FTCDNL1: variants seen among roughly 807,000 people sequenced by gnomAD.
The protein encoded by FTCDNL1 is formiminotransferase N-terminal subdomain-containing protein.
In FTCDNL1, 11 loss-of-function variants were observed where a neutral mutation model predicts 5.9. The ratio of observed to expected loss-of-function variants is 1.87; its 90% CI spans 1.18 to 3.10. The LOEUF is 3.10. Ranked by LOEUF, FTCDNL1 falls within the 30% of genes most tolerant of loss-of-function variation. FTCDNL1 has a pLI of 0.00. For missense variants in FTCDNL1, 115 were observed against 65.5 expected (o/e 1.76, Z -2.61); for synonymous variants, 58 against 24.8 (o/e 2.34, Z -3.99).
chr2:199,789,077 A>T (rs1188762009), intron 3 of FTCDNL1, among the ~76,000 whole-genome samples: 1 of 152,070 alleles, frequency 6.6e-6, no homozygotes, highest in African/African-American at 2.4e-5. Context: ...AAATTGTTAT[A>T]GTTGTAAACT....
chr2:199,765,549 TATATA>T (rs1462409106), intron 3 of FTCDNL1, among the ~76,000 whole-genome samples: 2 of 96,312 alleles, frequency 2.1e-5, no homozygotes, highest in Non-Finnish European at 4.2e-5. Flanking sequence ...TATATATATA[TATATA>T]TATTTTTTTT....
downstream of FTCDNL1, among the ~76,000 whole-genome samples, chr2:199,807,470 T>C (rs1450731330): frequency 1.6e-5 from 2 of 121,554 alleles, no homozygotes; most frequent in African/African-American, 5.1e-5. Flanking sequence ...AAACCCTGTT[T>C]CTACTGGAAA....
At chr2:199,666,005 AG>A in the FTCDNL1 span, among the ~76,000 whole-genome samples, 1 of 152,222 alleles carries the variant, frequency 6.6e-6, no homozygotes, top group East Asian at 1.9e-4. Flanking sequence ...GAAATCTGGG[AG>A]AAACCAAAAT....
intron 3 of FTCDNL1, among the ~76,000 whole-genome samples, chr2:199,763,733 A>G (rs1698379031): frequency 6.6e-6 from 1 of 152,220 alleles, no homozygotes; most frequent in Non-Finnish European, 1.5e-5. Flanking sequence ...TATAAACTTT[A>G]AGGATTTACA....
At chr2:199,850,275 A>G (rs1033112781) in intron 1 of FTCDNL1, among the ~76,000 whole-genome samples, 2 of 152,186 alleles carry the variant, frequency 1.3e-5, no homozygotes, top group African/African-American at 2.4e-5. Flanking sequence ...TAAACAAAAA[A>G]TTGCTTTACA....
chr2:199,699,469 A>G, the FTCDNL1 span, among the ~76,000 whole-genome samples: 17,996 of 152,092 alleles, frequency 0.12, 1,458 homozygotes, highest in Middle Eastern at 0.24. Flanking sequence ...AAAAAGAAGA[A>G]GAAGAGTTTG....
downstream of FTCDNL1, among the ~76,000 whole-genome samples, chr2:199,758,473 G>T (rs1159715723): frequency 6.6e-6 from 1 of 150,858 alleles, no homozygotes; most frequent in African/African-American, 2.4e-5. Flanking sequence ...AAAAAGAACT[G>T]GGGAAACAAA....
intron 3 of FTCDNL1, among the ~76,000 whole-genome samples, chr2:199,821,999 AT>A (rs1701722413): frequency 6.6e-6 from 1 of 152,196 alleles, no homozygotes; most frequent in South Asian, 2.1e-4. Flanking sequence ...AGTCACATAA[AT>A]TTTTTGGTTT....
At chr2:199,697,282 TA>T in the FTCDNL1 span, among the ~76,000 whole-genome samples, 1 of 151,510 alleles carries the variant, frequency 6.6e-6, no homozygotes, top group Non-Finnish European at 1.5e-5. Context: ...AAAAAATAAA[TA>T]AATAAAAAAA....
chr2:199,777,355 G>GA (rs1699143171), intron 3 of FTCDNL1, among the ~76,000 whole-genome samples: 1 of 152,132 alleles, frequency 6.6e-6, no homozygotes, highest in African/African-American at 2.4e-5. Context: ...GTGGAAGCTA[G>GA]AAAATCCAAA....
At chr2:199,819,259 GGCC>G in intron 4 of FTCDNL1, 1 of 314,718 alleles carries the variant, frequency 3.2e-6, no homozygotes, top group Non-Finnish European at 6.0e-6. Flanking sequence ...CACAGACAGG[GGCC>G]TCCAGGACCC....
the FTCDNL1 span, among the ~76,000 whole-genome samples, chr2:199,748,187 T>A: frequency 0.015 from 2,293 of 152,302 alleles, 55 homozygotes; most frequent in East Asian, 0.15. Flanking sequence ...ATACTCCATA[T>A]AAGAAAAGGA....
At chr2:199,693,565 T>C in the FTCDNL1 span, among the ~76,000 whole-genome samples, 1 of 152,204 alleles carries the variant, frequency 6.6e-6, no homozygotes, top group East Asian at 1.9e-4. Flanking sequence ...TGAAAATGTC[T>C]ACACGGATAA....
the FTCDNL1 span, among the ~76,000 whole-genome samples, chr2:199,725,313 C>G: frequency 6.6e-6 from 1 of 152,014 alleles, no homozygotes; most frequent in South Asian, 2.1e-4. Flanking sequence ...TACAGTACAC[C>G]AATGGGTCTT....
rs1353867059 is a variant in FTCDNL1, at chr2:199,812,037, G to A, written c.*668C>T. ...CATATGCTTTTAAATAAAATAAGAGGTAATCACTTAACACAGAATAATCAT... is the reference window on the plus strand; with the variant it reads ...CATATGCTTTTAAATAAAATAAGAGATAATCACTTAACACAGAATAATCAT... On this transcript the variant is annotated 3_prime_UTR_variant, in exon 5 of 5. Coordinates refer to ENST00000420128, the MANE Select transcript of FTCDNL1 (RefSeq NM_001363886.2). 6.6e-6 allele frequency among the ~76,000 whole-genome samples: 1 copy of A among 152,100 alleles called. No individual in the cohort carries two copies. The highest frequency in any genetic ancestry group is 1.5e-5 in the Non-Finnish European group (1 of 68,018).
chr2:199,796,275 G>A (rs934290776), intron 3 of FTCDNL1, among the ~76,000 whole-genome samples: 35 of 152,248 alleles, frequency 2.3e-4, no homozygotes, highest in African/African-American at 7.9e-4. Flanking sequence ...AGAAAAAGCA[G>A]AATTTTACCT....
At chr2:199,797,974 G>A (rs1378210239) in intron 3 of FTCDNL1, among the ~76,000 whole-genome samples, 1 of 152,154 alleles carries the variant, frequency 6.6e-6, no homozygotes, top group Non-Finnish European at 1.5e-5. Context: ...TTTTCCCACT[G>A]GCGTTTCTGC....
intron 3 of FTCDNL1, among the ~76,000 whole-genome samples, chr2:199,774,945 G>A (rs770558378): frequency 3.3e-5 from 5 of 152,108 alleles, no homozygotes; most frequent in African/African-American, 4.8e-5. Context: ...ATAAGTACCA[G>A]TCCTCTCAGA....
intron 3 of FTCDNL1, among the ~76,000 whole-genome samples, chr2:199,776,950 GTGTGTATA>G (rs1232913834): frequency 8.1e-6 from 1 of 123,914 alleles, no homozygotes; most frequent in Non-Finnish European, 1.6e-5. Flanking sequence ...ACACAGAGAT[GTGTGTATA>G]TGTGTGTGTG....
Sources: allele counts gnomAD v4.1 joint callset (sites outside exome capture counted in the v4.1 genomes callset), GRCh38; gene constraint gnomAD v4.1.1; transcripts MANE v1.5; gene names NCBI Gene and HGNC (gene_info 2026-07-23, HGNC 2026-07-21).